Variants in ZNF555 observed in about 807,000 individuals in gnomAD.
ZNF555 encodes zinc finger protein 555.
In ZNF555, 10 loss-of-function variants were observed where a neutral mutation model predicts 14.0. The observed-to-expected ratio is 0.72, with a 90% CI of 0.44 to 1.21. ZNF555 has a LOEUF of 1.21. Ranked by LOEUF, ZNF555 falls within the 50% of genes most tolerant of loss-of-function variation. The pLI is 0.00. For synonymous variants in ZNF555, 277 were observed against 262.4 expected (o/e 1.06, Z -0.54); for missense variants, 747 against 762.0 (o/e 0.98, Z 0.23).
intron 3 of ZNF555, among the ~76,000 whole-genome samples, chr19:2,851,953 C>G (rs1227233512): frequency 6.6e-6 from 1 of 152,112 alleles, no homozygotes; most frequent in African/African-American, 2.4e-5. Flanking sequence ...GAGTTCGAGA[C>G]CAGCCTGGCC....
At position 2,849,594 on chromosome 19, in the gene ZNF555, C is replaced by T. The variant is rs968885147; in HGVS notation, c.4-993C>T. ...CTGCCTCCCGGGTTCAAGCAATTTTCGTGCCTCAGCCTCCCAAGTAGCTGG... is the reference window on the plus strand; with the variant it reads ...CTGCCTCCCGGGTTCAAGCAATTTTTGTGCCTCAGCCTCCCAAGTAGCTGG... On this transcript the variant is annotated intron_variant, in intron 1 of 3. Transcript: ENST00000334241. 2.7e-5 allele frequency among the ~76,000 whole-genome samples: 4 copies of T among 149,574 alleles called. No individual in the cohort carries two copies. The South Asian group carries it at 8.4e-4, about 32-fold the overall frequency.
At chr19:2,841,716 G>C (rs575869117) in intron 1 of ZNF555, 141 bp downstream of exon 1, 1 of 1,020,904 alleles carries the variant, frequency 9.8e-7, no homozygotes, top group African/African-American at 1.7e-5. Flanking sequence ...GGCCCCGGGG[G>C]TCCCGCCCGG....
At position 2,853,817 on chromosome 19, in the gene ZNF555, A is replaced by G; in HGVS notation, c.1752A>G (p.Arg584=). The G allele has an allele frequency of 6.2e-7, 1 of 1,613,706 alleles. No homozygotes were observed. Among genetic ancestry groups the G allele is most frequent in the Non-Finnish European group, 8.5e-7 (1 of 1,179,814 alleles). The change falls in exon 4 of 4, where the codon AGA becomes AGG. Residue 584 remains arginine (R), a synonymous_variant. Coordinates refer to ENST00000334241, the MANE Select transcript of ZNF555 (RefSeq NM_152791.5). ...CCTCATCCTTAAGGCGACATGTGAG[A>G]ATACACACTACAGAAAAACAGTATA... ...NCSSSLRRHV[R]IHTTEKQYKC... is the part of the protein sequence containing the mutation.
At chr19:2,845,298 C>T (rs1038317042) in intron 1 of ZNF555, among the ~76,000 whole-genome samples, 2 of 152,178 alleles carry the variant, frequency 1.3e-5, no homozygotes, top group African/African-American at 2.4e-5. Flanking sequence ...GACATGATTT[C>T]GTTCTTTTTT....
At position 2,850,641 on chromosome 19, in the gene ZNF555, T is replaced by C. The variant is rs746111067; in HGVS notation, c.58T>C (p.Leu20=). 21 of 1,614,018 alleles carry C rather than the reference T, an allele frequency of 1.3e-5. No homozygotes were observed. The highest frequency in any genetic ancestry group is 1.8e-5 in the Non-Finnish European group (21 of 1,179,902). Residue 20 remains leucine, a synonymous_variant, in exon 2 of 4, where the codon TTG becomes CTG. Coordinates refer to ENST00000334241, the MANE Select transcript of ZNF555 (RefSeq NM_152791.5). ...GGACTTCACCCTGGAGGAGTGGGCT[T>C]TGCTGGATTCTGCTCAGAGGGACCT... ...AVDFTLEEWA[L]LDSAQRDLYR...
chr19:2,852,414 A>T lies in ZNF555; in HGVS notation c.349A>T (p.Asn117Tyr), dbSNP rs141504383. Residue 117 changes from asparagine (N) to tyrosine (Y), a missense_variant, in exon 4 of 4, where the codon AAT becomes TAT. By Grantham distance (143) the Asn-to-Tyr change is moderately radical. Coordinates refer to ENST00000334241, the MANE Select transcript of ZNF555 (RefSeq NM_152791.5). ...TGGGTTGGAGAGACTCTGTGAAAGT[A>T]ATGATCAATGTGGAGAAGCCCTCAG... ...NHGLERLCES[N>Y]DQCGEALSQI... 3 of 1,614,216 alleles carry T rather than the reference A, an allele frequency of 1.9e-6. No individual in the cohort carries two copies. The South Asian group carries it at 3.3e-5, about 18-fold the overall frequency.
At chr19:2,843,092 A>C (rs562880779) in intron 1 of ZNF555, among the ~76,000 whole-genome samples, 2 of 152,256 alleles carry the variant, frequency 1.3e-5, no homozygotes, top group South Asian at 2.1e-4. Context: ...AAAAAATTAA[A>C]ATCTGTGTCT....
chr19:2,853,346 G>A lies in ZNF555; in HGVS notation c.1281G>A (p.Lys427=). The change falls in exon 4 of 4, where the codon AAG becomes AAA. Residue 427 remains lysine (K), a synonymous_variant. Transcript: ENST00000334241. ...CTGGAGAGAAACCCTATGAGTGCAA[G>A]CAATGTGGGAAAACTTTCAATTGGC... is the stretch of plus-strand genomic sequence containing the variant. The part of the protein sequence containing the change: ...VHTGEKPYEC[K]QCGKTFNWPI... The A allele has an allele frequency of 6.2e-7, 1 of 1,614,084 alleles. No individual in the cohort carries two copies. Among genetic ancestry groups the A allele is most frequent in the Non-Finnish European group, 8.5e-7 (1 of 1,179,988 alleles).
Position 2,853,106 on chromosome 19 carries a change from A to C in ZNF555, c.1041A>C (p.Lys347Asn). Reference protein sequence around the residue: ...EKPYECKQCGKTFIYLQSFRR... With the variant: ...EKPYECKQCGNTFIYLQSFRR... ...CCTACGAATGCAAACAATGTGGGAAAACCTTCATTTATCTCCAGTCCTTTC... is the reference window on the plus strand; with the variant it reads ...CCTACGAATGCAAACAATGTGGGAACACCTTCATTTATCTCCAGTCCTTTC... Residue 347 changes from lysine (K) to asparagine (N), a missense_variant, in exon 4 of 4, where the codon AAA becomes AAC. Coordinates refer to ENST00000334241, the MANE Select transcript of ZNF555 (RefSeq NM_152791.5). The C allele has an allele frequency of 1.2e-6, 2 of 1,614,022 alleles. No homozygotes were observed. Among genetic ancestry groups the C allele is most frequent in the Non-Finnish European group, 1.7e-6 (2 of 1,179,982 alleles).
rs1375025628 is a variant in ZNF555, at chr19:2,859,363, G to C, written c.*5411G>C. On this transcript the variant is annotated 3_prime_UTR_variant, in exon 4 of 4. Transcript: ENST00000334241. Reference sequence around the variant, plus strand: ...CGTGGCTGTGGCAGGTAGACAGCCCGTGCTCCAGAGGCCTTCATCTTGTGA... The same window carrying C: ...CGTGGCTGTGGCAGGTAGACAGCCCCTGCTCCAGAGGCCTTCATCTTGTGA... 1 of 152,164 alleles carries C rather than the reference G, an allele frequency of 6.6e-6. No individual in the cohort carries two copies. Among genetic ancestry groups the C allele is most frequent in the Non-Finnish European group, 1.5e-5 (1 of 68,052 alleles). The allele number at this position is 152,164 out of a possible 1,614,324, so 9.4% of individuals were successfully genotyped here.
rs547484366 is a variant in ZNF555, at chr19:2,857,196, C to G, written c.*3244C>G. On this transcript the variant is annotated 3_prime_UTR_variant, in exon 4 of 4. Transcript: ENST00000334241. ...TGTTAACATAAGTTTTCATAACGCT[C>G]TATAGATGAATGTGATTTGGCAGTC... is the stretch of plus-strand genomic sequence containing the variant. 5 of 152,284 alleles carry G rather than the reference C, an allele frequency of 3.3e-5. No individual in the cohort carries two copies. The highest frequency in any genetic ancestry group is 2.0e-4 in the Admixed American group (3 of 15,290). The allele number at this position is 152,284 out of a possible 1,614,324, so 9.4% of individuals were successfully genotyped here.
chr19:2,848,786 A>G (rs2087604055), intron 1 of ZNF555, among the ~76,000 whole-genome samples: 1 of 152,180 alleles, frequency 6.6e-6, no homozygotes, highest in Non-Finnish European at 1.5e-5. Flanking sequence ...TCACATAAGC[A>G]TCCCCTGCCT....
intron 1 of ZNF555, among the ~76,000 whole-genome samples, chr19:2,849,998 T>C (rs528866217): frequency 9.2e-5 from 14 of 152,332 alleles, no homozygotes; most frequent in African/African-American, 3.4e-4. Context: ...CTTTTTCCTC[T>C]TTCCTAAGGT....
At chr19:2,845,708 G>A (rs2087576858) in intron 1 of ZNF555, among the ~76,000 whole-genome samples, 2 of 152,184 alleles carry the variant, frequency 1.3e-5, no homozygotes, top group Non-Finnish European at 2.9e-5. Context: ...CTGATGATTA[G>A]TGGTGTTGAG....
chr19:2,849,732 C>T (rs2087613100), intron 1 of ZNF555, among the ~76,000 whole-genome samples: 1 of 151,838 alleles, frequency 6.6e-6, no homozygotes, highest in South Asian at 2.1e-4. Flanking sequence ...AAATGATCTG[C>T]CTGCCGCGGC....
rs2087682955 is a variant in ZNF555 at position 2,856,312 on chromosome 19, C to A, written c.*2360C>A. 1 of 151,744 alleles carries A rather than the reference C, an allele frequency of 6.6e-6. No individual in the cohort carries two copies. Among genetic ancestry groups the A allele is most frequent in the Admixed American group, 6.6e-5 (1 of 15,216 alleles). 9.4% of individuals were successfully genotyped at this position (151,744 alleles called of 1,614,324 possible). ...CTTCATCTCCCAGGTTCAGTTGATT[C>A]TCCTGCCTCAGCCTCCCGAGTAGTT... On this transcript the variant is annotated 3_prime_UTR_variant, in exon 4 of 4. Coordinates refer to ENST00000334241, the MANE Select transcript of ZNF555 (RefSeq NM_152791.5).
intron 1 of ZNF555, among the ~76,000 whole-genome samples, chr19:2,846,859 A>C (rs540697555): frequency 3.5e-4 from 54 of 152,346 alleles, no homozygotes; most frequent in Non-Finnish European, 4.9e-4. Context: ...TGAGGTTGTC[A>C]GAAATAGGTT....
rs150651290 is a variant in ZNF555 at position 2,853,811 on chromosome 19, T to C, written c.1746T>C (p.His582=). 1,504 of 1,613,408 alleles carry C rather than the reference T, an allele frequency of 9.3e-4. 2 individuals are homozygous for C. The highest frequency in any genetic ancestry group is 1.0e-3 in the Non-Finnish European group (1,195 of 1,179,656). Reference sequence around the variant, plus strand: ...ATTGTTCCTCATCCTTAAGGCGACATGTGAGAATACACACTACAGAAAAAC... The same window carrying C: ...ATTGTTCCTCATCCTTAAGGCGACACGTGAGAATACACACTACAGAAAAAC... ...AFNCSSSLRR[H]VRIHTTEKQY... Residue 582 remains histidine (H), a synonymous_variant, in exon 4 of 4, where the codon CAT becomes CAC. Transcript: ENST00000334241.
Position 2,853,285 on chromosome 19 carries a change from ACC to A in ZNF555, c.1223_1224del (p.Pro408LeufsTer17), listed in dbSNP as rs1568345056. ...AACCAGTGCGGGAAAGCATTCAGTC[ACC>A]CCTCCTCCTTTCGAGGACACATGAG... is the stretch of plus-strand genomic sequence containing the variant. On this transcript the variant is annotated frameshift_variant, in exon 4 of 4. Coordinates refer to ENST00000334241, the MANE Select transcript of ZNF555 (RefSeq NM_152791.5). LOFTEE classifies it low-confidence loss of function (END_TRUNC). 6.2e-7 allele frequency: 1 copy of A among 1,613,800 alleles called. No individual in the cohort carries two copies. The highest frequency in any genetic ancestry group is 1.3e-5 in the African/African-American group (1 of 74,812).
Sources: gnomAD v4.1 joint callset for allele counts (sites outside exome capture counted in the v4.1 genomes callset) on GRCh38, gnomAD v4.1.1 for gene constraint, MANE v1.5 for transcripts, NCBI Gene and HGNC (gene_info 2026-07-23, HGNC 2026-07-21) for gene names.